PTN: variants seen among roughly 807,000 people sequenced by gnomAD.
The protein encoded by PTN is heparin affin regulatory protein.
PTN carries 18 observed loss-of-function variants against 24.1 expected under a neutral mutation model. That is an observed-to-expected ratio of 0.75 (90% CI 0.52 to 1.11). PTN has a LOEUF of 1.11. Ranked by LOEUF, PTN falls within the 50% of genes least tolerant of loss-of-function variation. The probability of loss-of-function intolerance (pLI) is 0.00; values close to 1 mark genes in which losing one functional copy is unlikely to be tolerated. For missense variants in PTN, 163 were observed against 198.8 expected (o/e 0.82, Z 1.08); for synonymous variants, 78 against 68.6 (o/e 1.14, Z -0.67).
intron 4 of PTN, among the ~76,000 whole-genome samples, chr7:137,239,770 C>G (rs748339608): frequency 1.3e-5 from 2 of 152,134 alleles, no homozygotes; most frequent in Non-Finnish European, 2.9e-5. Context: ...ATATAATTTT[C>G]AAAAGTGAAT....
chr7:137,333,371 TA>T (rs1246628495), intron 1 of PTN, among the ~76,000 whole-genome samples: 3 of 152,226 alleles, frequency 2.0e-5, no homozygotes, highest in Non-Finnish European at 4.4e-5. Flanking sequence ...CAGACTAAGA[TA>T]GCTTCTATTT....
intron 4 of PTN, among the ~76,000 whole-genome samples, chr7:137,231,547 TTTTCC>T (rs1808427065): frequency 6.6e-6 from 1 of 151,954 alleles, no homozygotes; most frequent in Admixed American, 6.6e-5. Context: ...TGGTATGTGT[TTTTCC>T]TTTCCTATGA....
At chr7:137,242,488 C>A (rs1025145892) in intron 4 of PTN, among the ~76,000 whole-genome samples, 1 of 152,082 alleles carries the variant, frequency 6.6e-6, no homozygotes, top group Non-Finnish European at 1.5e-5. Flanking sequence ...TCTGCCAGTC[C>A]CAAAAACAAT....
intron 1 of PTN, among the ~76,000 whole-genome samples, chr7:137,315,267 G>A (rs535225975): frequency 2.0e-5 from 3 of 152,168 alleles, no homozygotes; most frequent in Admixed American, 6.5e-5. Context: ...GATGGCTGCT[G>A]TCCTTGACCA....
chr7:137,230,897 T>C (rs756005680), intron 4 of PTN, among the ~76,000 whole-genome samples: 27 of 151,886 alleles, frequency 1.8e-4, no homozygotes, highest in Admixed American at 2.0e-4. Context: ...AATACATCTT[T>C]TCTCTTTGTC....
intron 1 of PTN, among the ~76,000 whole-genome samples, chr7:137,276,827 TCAG>T (rs1739885874): frequency 6.6e-6 from 1 of 152,114 alleles, no homozygotes; most frequent in African/African-American, 2.4e-5. Flanking sequence ...AAATATTTAC[TCAG>T]TAAAGTTTGA....
chr7:137,320,375 T>G (rs1161827743), intron 1 of PTN, among the ~76,000 whole-genome samples: 1 of 150,800 alleles, frequency 6.6e-6, no homozygotes, highest in Non-Finnish European at 1.5e-5. Flanking sequence ...GACTCCATTT[T>G]CTAACTCACT....
intron 4 of PTN, among the ~76,000 whole-genome samples, chr7:137,243,733 A>G (rs1585008650): frequency 1.3e-5 from 2 of 152,260 alleles, no homozygotes; most frequent in South Asian, 4.1e-4. Context: ...GGGAGATTGG[A>G]TAGTCCCTCA....
intron 4 of PTN, among the ~76,000 whole-genome samples, chr7:137,230,092 A>T (rs1808402405): frequency 1.3e-5 from 2 of 151,792 alleles, no homozygotes; most frequent in Admixed American, 1.3e-4. Flanking sequence ...TTTGGCTAAC[A>T]TGTTCCTATT....
chr7:137,234,104 T>A (rs553522833), intron 4 of PTN, among the ~76,000 whole-genome samples: 21 of 152,014 alleles, frequency 1.4e-4, no homozygotes, highest in African/African-American at 4.8e-4. Flanking sequence ...ATATTGACAG[T>A]TGATATAGTA....
chr7:137,247,393 G>A (rs930622256), intron 4 of PTN, among the ~76,000 whole-genome samples: 1 of 152,132 alleles, frequency 6.6e-6, no homozygotes, highest in Non-Finnish European at 1.5e-5. Context: ...GAGATCATTA[G>A]GTTAAGTAAA....
intron 4 of PTN, among the ~76,000 whole-genome samples, chr7:137,232,137 A>G (rs1808437119): frequency 6.6e-6 from 1 of 151,942 alleles, no homozygotes; most frequent in Non-Finnish European, 1.5e-5. Flanking sequence ...CACACATCAA[A>G]TAACACCCCG....
At chr7:137,317,999 G>T (rs1340470792) in intron 1 of PTN, among the ~76,000 whole-genome samples, 1 of 152,182 alleles carries the variant, frequency 6.6e-6, no homozygotes, top group African/African-American at 2.4e-5. Flanking sequence ...AGGCACTGTG[G>T]TTGACGCCTA....
At chr7:137,333,340 T>C (rs1323808159) in intron 1 of PTN, among the ~76,000 whole-genome samples, 1 of 152,198 alleles carries the variant, frequency 6.6e-6, no homozygotes, top group South Asian at 2.1e-4. Flanking sequence ...GCCTCAGGTA[T>C]TCCTTTATAG....
At chr7:137,280,818 G>A (rs1809461176) in intron 1 of PTN, among the ~76,000 whole-genome samples, 1 of 148,200 alleles carries the variant, frequency 6.7e-6, no homozygotes, top group Non-Finnish European at 1.5e-5. Flanking sequence ...GCTGCAGTGA[G>A]CCGAGATTGT....
At chr7:137,278,561 G>C (rs898296206) in intron 1 of PTN, among the ~76,000 whole-genome samples, 1 of 152,044 alleles carries the variant, frequency 6.6e-6, no homozygotes. Flanking sequence ...AATAAAGAGG[G>C]TTATTTTATA....
intron 1 of PTN, among the ~76,000 whole-genome samples, chr7:137,309,140 T>C (rs1383545184): frequency 6.6e-6 from 1 of 152,214 alleles, no homozygotes. Flanking sequence ...TCCAGACCAC[T>C]GCAATTAAAG....
intron 1 of PTN, among the ~76,000 whole-genome samples, chr7:137,309,781 T>C (rs903173698): frequency 8.5e-5 from 13 of 152,204 alleles, no homozygotes; most frequent in Non-Finnish European, 1.6e-4. Context: ...CTAATTCTAG[T>C]TCTCTTGTTA....
chr7:137,271,714 C>A (rs1239715523), intron 1 of PTN, among the ~76,000 whole-genome samples: 1 of 152,198 alleles, frequency 6.6e-6, no homozygotes, highest in African/African-American at 2.4e-5. Flanking sequence ...TCCTCCTAAT[C>A]CTTTTCAAGT....
Sources: allele counts gnomAD v4.1 joint callset (sites outside exome capture counted in the v4.1 genomes callset), GRCh38; gene constraint gnomAD v4.1.1; transcripts MANE v1.5; gene names NCBI Gene and HGNC (gene_info 2026-07-23, HGNC 2026-07-21).